KLF17: variants seen among roughly 807,000 people sequenced by gnomAD.
KLF17 encodes the protein Krueppel-like factor 17.
A neutral mutation model predicts 34.2 loss-of-function variants in KLF17; 31 were observed. The observed-to-expected ratio is 0.91, with a 90% confidence interval of 0.68 to 1.22. KLF17 has a LOEUF of 1.22. Ranked by LOEUF, KLF17 falls within the 50% of genes most tolerant of loss-of-function variation. The probability of loss-of-function intolerance (pLI) is 0.00; values close to 1 mark genes in which losing one functional copy is unlikely to be tolerated. For synonymous variants in KLF17, 179 were observed against 186.7 expected (o/e 0.96, Z 0.34); for missense variants, 478 against 505.2 (o/e 0.95, Z 0.52).
the KLF17 span, among the ~76,000 whole-genome samples, chr1:44,089,959 C>T: frequency 8.6e-5 from 13 of 151,924 alleles, no homozygotes; most frequent in South Asian, 1.9e-3. Context: ...TCTAAGAATT[C>T]GAGACCAGCC....
At chr1:44,060,123 C>A in the KLF17 span, among the ~76,000 whole-genome samples, 1 of 152,236 alleles carries the variant, frequency 6.6e-6, no homozygotes, top group African/African-American at 2.4e-5. Context: ...ATAACCACTC[C>A]TGACTCTCCA....
the KLF17 span, among the ~76,000 whole-genome samples, chr1:44,096,709 TAA>T: frequency 5.3e-5 from 8 of 149,626 alleles, no homozygotes; most frequent in Admixed American, 1.3e-4. Flanking sequence ...CTACGGTTTT[TAA>T]AAAAAAATTT....
the KLF17 span, among the ~76,000 whole-genome samples, chr1:44,083,793 C>CA: frequency 0.021 from 2,177 of 104,138 alleles, 69 homozygotes; most frequent in Non-Finnish European, 0.027. Context: ...GACTCTGTCT[C>CA]AAAAAAAAAA....
chr1:44,054,257 T>A, the KLF17 span, among the ~76,000 whole-genome samples: 2 of 152,230 alleles, frequency 1.3e-5, no homozygotes, highest in East Asian at 3.9e-4. Context: ...GAGCCAACCC[T>A]TAGACGTTGC....
At chr1:44,086,399 G>A in the KLF17 span, among the ~76,000 whole-genome samples, 1 of 152,214 alleles carries the variant, frequency 6.6e-6, no homozygotes, top group Non-Finnish European at 1.5e-5. Flanking sequence ...TCGGGAAGTA[G>A]AGGTTGCGGT....
chr1:44,077,206 G>T, the KLF17 span, among the ~76,000 whole-genome samples: 1 of 151,956 alleles, frequency 6.6e-6, no homozygotes, highest in Non-Finnish European at 1.5e-5. Context: ...TTAGCCAGTT[G>T]TGGTGGTGTG....
chr1:44,050,072 T>G, the KLF17 span, among the ~76,000 whole-genome samples: 1 of 152,354 alleles, frequency 6.6e-6, no homozygotes, highest in South Asian at 2.1e-4. Context: ...TACTGTCTCC[T>G]GGCATATGCA....
rs1331271092 is a variant in KLF17, at chr1:44,129,628, C to T, written c.357C>T (p.Pro119=). The change falls in exon 2 of 4, where the codon CCC becomes CCT. Residue 119 remains proline, a synonymous_variant. Coordinates refer to ENST00000372299, the MANE Select transcript of KLF17 (RefSeq NM_173484.4). Reference sequence around the variant, plus strand: ...TGATTTACTGTCAGAGAATGTCTCCCCCTCAGCAAGAGATGACGATTTTCA... The same window carrying T: ...TGATTTACTGTCAGAGAATGTCTCCTCCTCAGCAAGAGATGACGATTTTCA... ...SRMIYCQRMS[P]PQQEMTIFSG... 5 of 1,614,050 alleles carry T rather than the reference C, an allele frequency of 3.1e-6. No homozygotes were observed. Among genetic ancestry groups the T allele is most frequent in the Non-Finnish European group, 4.2e-6 (5 of 1,180,028 alleles).
chr1:44,052,082 T>G, the KLF17 span: 2 of 152,194 alleles, frequency 1.3e-5, no homozygotes, highest in East Asian at 3.8e-4. Context: ...CCTAGAAGTC[T>G]GCTCAGTGAT....
intron 2 of KLF17, 132 bp from the exon 3 acceptor site, chr1:44,130,380 G>A: frequency 1.4e-6 from 2 of 1,394,592 alleles, no homozygotes; most frequent in Non-Finnish European, 9.9e-7. Context: ...GGGCACTCCT[G>A]ATTGTGTTGC....
the KLF17 span, among the ~76,000 whole-genome samples, chr1:44,080,523 C>T: frequency 5.1e-4 from 77 of 152,248 alleles, no homozygotes; most frequent in South Asian, 2.1e-4. Flanking sequence ...CAGGCGTGAG[C>T]CACAGCACCA....
At chr1:44,122,678 A>G (rs1034127427) in intron 1 of KLF17, among the ~76,000 whole-genome samples, 1 of 152,056 alleles carries the variant, frequency 6.6e-6, no homozygotes, top group Non-Finnish European at 1.5e-5. Context: ...CACTGCTGCA[A>G]CTTCTGCCTC....
At chr1:44,098,783 CT>C in the KLF17 span, among the ~76,000 whole-genome samples, 2 of 151,996 alleles carry the variant, frequency 1.3e-5, no homozygotes, top group East Asian at 3.9e-4. Context: ...ATCTCCTGAC[CT>C]TGTGATCCGC....
Position 44,129,403 on chromosome 1 carries a change from C to G in KLF17, c.132C>G (p.Ser44Arg). 1 of 1,544,124 alleles carries G rather than the reference C, an allele frequency of 6.5e-7. No homozygotes were observed. ...PILNMSSSSG[S>R]SGVHTSWNQG... ...TGAACATGTCTTCATCTTCTGGAAGCTCTGGAGTGCACACCTCTTGGAACC... is the reference window on the plus strand; with the variant it reads ...TGAACATGTCTTCATCTTCTGGAAGGTCTGGAGTGCACACCTCTTGGAACC... The change falls in exon 2 of 4, where the codon AGC (serine) becomes AGG (arginine). Residue 44 changes from serine (S) to arginine (R), a missense_variant. Ser to Arg is a moderately radical substitution (Grantham distance 110, BLOSUM62 -1). Coordinates refer to ENST00000372299, the MANE Select transcript of KLF17 (RefSeq NM_173484.4).
At chr1:44,124,727 C>T (rs746092574) in intron 1 of KLF17, among the ~76,000 whole-genome samples, 9 of 152,210 alleles carry the variant, frequency 5.9e-5, no homozygotes, top group Admixed American at 3.9e-4. Flanking sequence ...AACTCCTGAC[C>T]TCAAGTGATC....
chr1:44,069,009 C>T, the KLF17 span, among the ~76,000 whole-genome samples: 1 of 152,068 alleles, frequency 6.6e-6, no homozygotes, highest in Non-Finnish European at 1.5e-5. The surrounding 1 kb of genome is among the most constrained non-coding windows in gnomAD (Gnocchi z 4.7). Context: ...CCACATGCCT[C>T]CTCTCAGGGG....
chr1:44,059,081 AC>A, the KLF17 span, among the ~76,000 whole-genome samples: 1 of 152,204 alleles, frequency 6.6e-6, no homozygotes, highest in East Asian at 1.9e-4. Context: ...CTAGTTTGGT[AC>A]CCCTGTCCAG....
At chr1:44,060,584 G>T in the KLF17 span, among the ~76,000 whole-genome samples, 41 of 152,132 alleles carry the variant, frequency 2.7e-4, no homozygotes, top group Non-Finnish European at 5.0e-4. Flanking sequence ...GTGAGCAATT[G>T]GATTAATTCA....
At chr1:44,062,654 C>T in the KLF17 span, among the ~76,000 whole-genome samples, 276 of 150,812 alleles carry the variant, frequency 1.8e-3, 1 homozygote, top group Middle Eastern at 6.9e-3. Context: ...AGTTCGAGGC[C>T]GCAGTGATCC....
Sources: gnomAD v4.1 joint callset for allele counts (sites outside exome capture counted in the v4.1 genomes callset) on GRCh38, gnomAD v4.1.1 for gene constraint, Gnocchi (gnomAD v3.1) non-coding constraint, MANE v1.5 for transcripts, NCBI Gene and HGNC (gene_info 2026-07-23, HGNC 2026-07-21) for gene names.